PIEZO1: variants seen among roughly 807,000 people sequenced by gnomAD.
PIEZO1 encodes the protein piezo type mechanosensitive ion channel component 1 (Er blood group).
In PIEZO1, 296 loss-of-function variants were observed where a neutral mutation model predicts 297.2. That is an observed-to-expected ratio of 1.00 (90% confidence interval 0.91 to 1.10). The LOEUF (loss-of-function observed/expected upper bound fraction) is 1.10, where lower values mean the gene tolerates loss of function less well. Ranked by LOEUF, PIEZO1 falls within the 50% of genes least tolerant of loss-of-function variation. The pLI is 0.00. For missense variants in PIEZO1, 5,018 were observed against 3,455.5 expected (o/e 1.45, Z -11.34); for synonymous variants, 2,427 against 1,507.5 (o/e 1.61, Z -14.13).
In PIEZO1 at chr16:88,742,036, G is replaced by A; in HGVS notation, c.326+17C>T. 2 of 1,535,658 alleles carry A rather than the reference G, an allele frequency of 1.3e-6. No individual in the cohort carries two copies. The highest frequency in any genetic ancestry group is 1.7e-6 in the Non-Finnish European group (2 of 1,146,384). On this transcript the variant is annotated intron_variant, in intron 4 of 50. Transcript: ENST00000301015. Reference sequence around the variant, plus strand: ...CAAGGGAGGCTTGCTGGTTGGGGGTGGGAGGAATGGTCTTACCTTGTGACC... The same window carrying A: ...CAAGGGAGGCTTGCTGGTTGGGGGTAGGAGGAATGGTCTTACCTTGTGACC...
chr16:88,768,319 A>T lies in PIEZO1; in HGVS notation c.64+16582T>A, dbSNP rs530176921. ...GTTCCCACCACGGCAGGCCGGCTCC[A>T]AGAAGCTCCCCGGGCCAGGAGGAGA... On this transcript the variant is annotated intron_variant, in intron 1 of 50. Coordinates refer to ENST00000301015, the MANE Select transcript of PIEZO1 (RefSeq NM_001142864.4). 1.7e-3 allele frequency among the ~76,000 whole-genome samples: 253 copies of T among 152,308 alleles called. 2 individuals are homozygous for T. The highest frequency in any genetic ancestry group is 5.9e-3 in the African/African-American group (245 of 41,578).
In PIEZO1 at chr16:88,723,852, C is replaced by CGG; in HGVS notation, c.4335+17_4335+18dup. On this transcript the variant is annotated intron_variant, in intron 31 of 50. Coordinates refer to ENST00000301015, the MANE Select transcript of PIEZO1 (RefSeq NM_001142864.4). Reference sequence around the variant, plus strand: ...AGCTCTGTGGTTGGAGTGGGGCCGACGGGGCTCTCCCACCTCACCTGGAAG... The same window carrying CGG: ...AGCTCTGTGGTTGGAGTGGGGCCGACGGGGGGCTCTCCCACCTCACCTGGAAG... 2 of 1,353,282 alleles carry CGG rather than the reference C, an allele frequency of 1.5e-6. No homozygotes were observed. The highest frequency in any genetic ancestry group is 2.1e-6 in the Non-Finnish European group (2 of 967,676). The allele number at this position is 1,353,282 out of a possible 1,614,324, so 83.8% of individuals were successfully genotyped here.
At chr16:88,753,219 C>A (rs1906485042) in intron 1 of PIEZO1, among the ~76,000 whole-genome samples, 2 of 107,820 alleles carry the variant, frequency 1.9e-5, no homozygotes, top group East Asian at 3.4e-4. Context: ...GCACACCTGT[C>A]CATCCCCAGA....
At chr16:88,716,930 A>C in intron 45 of PIEZO1, 32 bp from the exon 46 acceptor site, 1 of 1,547,474 alleles carries the variant, frequency 6.5e-7, no homozygotes, top group African/African-American at 1.4e-5. Context: ...GGGGCCACGA[A>C]GATGAGCGTG....
chr16:88,736,749 G>T lies in PIEZO1; in HGVS notation c.1196-10C>A. ...GCCCGCTTGGGCCGCACTGCAGGTG[G>T]GGACAGCGGTCAGCTTCGGCAGGTT... On this transcript the variant is annotated splice_polypyrimidine_tract_variant and intron_variant, in intron 10 of 50. Transcript: ENST00000301015. 4 of 1,501,824 alleles carry T rather than the reference G, an allele frequency of 2.7e-6. No homozygotes were observed. The highest frequency in any genetic ancestry group is 2.7e-6 in the Non-Finnish European group (3 of 1,123,442). 93.0% of individuals were successfully genotyped at this position (1,501,824 alleles called of 1,614,324 possible). A position where few individuals can be genotyped will look rare whatever the true frequency, so the allele number is the denominator to read the frequency against.
rs200468454 is a variant in PIEZO1 at position 88,717,822 on chromosome 16, G to GA, written c.6472-612dup. On this transcript the variant is annotated intron_variant, in intron 44 of 50. Transcript: ENST00000301015. ...TAGCCAATGTATCTGCAGAAAAACAGAAAAAACTCTAATAAAAAACAACCC... is the reference window on the plus strand; with the variant it reads ...TAGCCAATGTATCTGCAGAAAAACAGAAAAAAACTCTAATAAAAAACAACCC... 2,292 of 444,800 alleles carry GA rather than the reference G, an allele frequency of 5.2e-3. 9 individuals carry two copies. The highest frequency in any genetic ancestry group is 7.8e-3 in the Non-Finnish European group (1,750 of 223,834). 27.6% of individuals were successfully genotyped at this position (444,800 alleles called of 1,614,324 possible).
chr16:88,784,916 A>G lies in PIEZO1; in HGVS notation c.49T>C (p.Cys17Arg). ...GAVLYWLLLP[C>R]ALLAACLLRF... ...CCCCACTCACCAGCCAGCAGCGCGCAGGGCAGCAGCAGCCAGTACAGGACC... is the reference window on the plus strand; with the variant it reads ...CCCCACTCACCAGCCAGCAGCGCGCGGGGCAGCAGCAGCCAGTACAGGACC... The change falls in exon 1 of 51, where the codon TGC becomes CGC. Residue 17 changes from cysteine to arginine, a missense_variant. By Grantham distance (180) the Cys-to-Arg change is radical (BLOSUM62 -3). Transcript: ENST00000301015. 1 of 1,433,974 alleles carries G rather than the reference A, an allele frequency of 7.0e-7. No homozygotes were observed. The highest frequency in any genetic ancestry group is 9.2e-7 in the Non-Finnish European group (1 of 1,091,478). 88.8% of individuals were successfully genotyped at this position (1,433,974 alleles called of 1,614,324 possible).
intron 38 of PIEZO1, 41 bp downstream of exon 38, chr16:88,721,497 G>A (rs1252184344): frequency 7.1e-6 from 11 of 1,539,364 alleles, no homozygotes; most frequent in African/African-American, 1.4e-5. Context: ...TGCCCAGAGG[G>A]CCTGCCCAGC....
At chr16:88,782,696 C>A (rs1377198813) in intron 1 of PIEZO1, among the ~76,000 whole-genome samples, 2 of 152,178 alleles carry the variant, frequency 1.3e-5, no homozygotes, top group Non-Finnish European at 2.9e-5. Context: ...TGCTTCCAGC[C>A]AAAGCTCGCC....
At chr16:88,763,171 G>A (rs1170715202) in intron 1 of PIEZO1, among the ~76,000 whole-genome samples, 3 of 152,206 alleles carry the variant, frequency 2.0e-5, no homozygotes, top group African/African-American at 2.4e-5. Flanking sequence ...AATGTCCTCC[G>A]GAGATAGGGA....
intron 12 of PIEZO1, among the ~76,000 whole-genome samples, chr16:88,735,879 G>A (rs901855067): frequency 6.6e-6 from 1 of 152,230 alleles, no homozygotes; most frequent in Non-Finnish European, 1.5e-5. Flanking sequence ...GGGCACAGGG[G>A]TGGTGCCCGT....
At chr16:88,770,172 C>A (rs1378949700) in intron 1 of PIEZO1, among the ~76,000 whole-genome samples, 1 of 152,166 alleles carries the variant, frequency 6.6e-6, no homozygotes, top group Non-Finnish European at 1.5e-5. Context: ...TCCCAAGCCT[C>A]GGTCTGTCGG....
In PIEZO1 at chr16:88,717,171, A is replaced by T; in HGVS notation, c.6512T>A (p.Val2171Asp). The T allele has an allele frequency of 6.4e-7, 1 of 1,550,754 alleles. No individual in the cohort carries two copies. The highest frequency in any genetic ancestry group is 1.2e-5 in the South Asian group (1 of 84,072). ...GATGAGGCCACCCATGCCGTACTTG[A>T]CGATCTTCTTCTTCTTCTGCCCTTT... ...QPKGQKKKKI[V>D]KYGMGGLIIL... The change falls in exon 45 of 51, where the codon GTC (valine) becomes GAC (aspartate). Residue 2171 changes from valine (V) to aspartate (D), a missense_variant. Physicochemically the swap from Val to Asp is radical, Grantham distance 152. Transcript: ENST00000301015.
chr16:88,733,327 T>C lies in PIEZO1; in HGVS notation c.2615A>G (p.Tyr872Cys), dbSNP rs758802161. 4 of 1,549,964 alleles carry C rather than the reference T, an allele frequency of 2.6e-6. No individual in the cohort carries two copies. Among genetic ancestry groups the C allele is most frequent in the Non-Finnish European group, 8.7e-7 (1 of 1,146,744 alleles). The change falls in exon 19 of 51, where the codon TAC (tyrosine) becomes TGC (cysteine). Residue 872 changes from tyrosine to cysteine, a missense_variant. Coordinates refer to ENST00000301015, the MANE Select transcript of PIEZO1 (RefSeq NM_001142864.4). ...CTGGGGGTTGACAACCTTGAGCTGG[T>C]ACAGCATCTTACACACGATGATGAC... ...TCVIIVCKML[Y>C]QLKVVNPQEY...
chr16:88,743,134 C>T (rs1441261368), intron 2 of PIEZO1: 3 of 456,344 alleles, frequency 6.6e-6, no homozygotes, highest in Non-Finnish European at 8.8e-6. Flanking sequence ...CTCCCAGCTG[C>T]CTGTGGCCCC....
rs1176918198 is a variant in PIEZO1, at chr16:88,733,542, A to C, written c.2487+46T>G. 4.6e-6 allele frequency: 7 copies of C among 1,528,438 alleles called. No homozygotes were observed. The Middle Eastern group carries it at 6.8e-4, about 148-fold the overall frequency. The allele number at this position is 1,528,438 out of a possible 1,614,324, so 94.7% of individuals were successfully genotyped here. On this transcript the variant is annotated intron_variant, in intron 18 of 50. Coordinates refer to ENST00000301015, the MANE Select transcript of PIEZO1 (RefSeq NM_001142864.4). ...TGGGGAGGCCAGCTGGGCAGGCCAG[A>C]GCGACCCCACCCCAGATGGGAAGCT... is the stretch of plus-strand genomic sequence containing the variant.
chr16:88,781,979 A>G (rs1181546936), intron 1 of PIEZO1, among the ~76,000 whole-genome samples: 1 of 152,246 alleles, frequency 6.6e-6, no homozygotes, highest in Non-Finnish European at 1.5e-5. Context: ...TTGTCAGCCC[A>G]CGTGGGTGTC....
At position 88,733,973 on chromosome 16, in the gene PIEZO1, C is replaced by A. The variant is rs1023583778; in HGVS notation, c.2262G>T (p.Glu754Asp). The stretch of plus-strand genomic sequence containing the variant: ...GCCCCTCGTCCCTGGAGTCCTCCTC[C>A]TCCTCCTCCTCCTCCTGCTGCTGCT... Reference protein sequence around the residue: ...HQQQQQEEEEEEEDSRDEGLG... With the variant: ...HQQQQQEEEEDEEDSRDEGLG... Residue 754 changes from glutamate (E) to aspartate (D), a missense_variant, in exon 17 of 51, where the codon GAG (glutamate) becomes GAT (aspartate). Glu to Asp is a conservative substitution (Grantham distance 45). Coordinates refer to ENST00000301015, the MANE Select transcript of PIEZO1 (RefSeq NM_001142864.4). 5 of 1,546,536 alleles carry A rather than the reference C, an allele frequency of 3.2e-6. No individual in the cohort carries two copies. The highest frequency in any genetic ancestry group is 2.6e-6 in the Non-Finnish European group (3 of 1,144,502).
intron 1 of PIEZO1, among the ~76,000 whole-genome samples, chr16:88,779,036 CTTTTT>C (rs34383297): frequency 5.3e-4 from 71 of 135,144 alleles, no homozygotes; most frequent in Non-Finnish European, 7.2e-4. Flanking sequence ...TACGACTTCA[CTTTTT>C]TTTTTTTTTT....
Sources: allele counts gnomAD v4.1 joint callset (sites outside exome capture counted in the v4.1 genomes callset), GRCh38; gene constraint gnomAD v4.1.1; transcripts MANE v1.5; gene names NCBI Gene and HGNC (gene_info 2026-07-23, HGNC 2026-07-21).